The following EYS variants were observed in gnomAD, a reference collection of about 807,000 sequenced individuals.
EYS encodes protein eyes shut homolog.
Under a neutral mutation model 282.1 loss-of-function variants are expected in EYS, and 250 were observed. That is an observed-to-expected ratio of 0.89 (90% CI 0.80 to 0.98). The LOEUF (loss-of-function observed/expected upper bound fraction) is 0.98, where lower values mean the gene tolerates loss of function less well. Among genes scored for constraint, EYS ranks in the 50% least tolerant of loss-of-function variants. EYS has a pLI of 0.00. For missense variants in EYS, 4,016 were observed against 3,709.0 expected (o/e 1.08, Z -2.15); for synonymous variants, 1,355 against 1,282.9 (o/e 1.06, Z -1.20).
intron 13 of EYS, among the ~76,000 whole-genome samples, chr6:64,998,310 T>G (rs1404354420): frequency 2.0e-5 from 3 of 152,210 alleles, no homozygotes; most frequent in African/African-American, 7.2e-5. Context: ...AGTGACAGTA[T>G]GAATTGCAGT....
rs918962997 is a variant in EYS at position 63,881,973 on chromosome 6, T to C, written c.7056-17615A>G. 1.5e-4 allele frequency among the ~76,000 whole-genome samples: 23 copies of C among 152,302 alleles called. 1 individual carries two copies. The highest frequency in any genetic ancestry group is 3.4e-3 in the Middle Eastern group (1 of 294). On this transcript the variant is annotated intron_variant, in intron 35 of 42. Transcript: ENST00000503581. ...TAGGATTTTTAAAGACAGGACATGA[T>C]TTATCTTAATACTGTGTCAGCATTT... is the stretch of plus-strand genomic sequence containing the variant.
chr6:64,885,206 C>T (rs568817229), intron 19 of EYS, among the ~76,000 whole-genome samples: 22 of 151,620 alleles, frequency 1.5e-4, no homozygotes, highest in Non-Finnish European at 2.8e-4. Flanking sequence ...TTTTCTTTTA[C>T]TTGTAGCTGT....
intron 11 of EYS, chr6:65,332,323 CTT>C: frequency 4.1e-6 from 3 of 735,686 alleles, no homozygotes; most frequent in Non-Finnish European, 7.4e-6. Flanking sequence ...CTAAATCAAA[CTT>C]ATATTCTTAC....
intron 19 of EYS, among the ~76,000 whole-genome samples, chr6:64,860,941 A>T (rs1583232511): frequency 6.6e-6 from 1 of 152,292 alleles, no homozygotes; most frequent in East Asian, 1.9e-4. Flanking sequence ...CTCAGAGGAA[A>T]GGAAGTGTGT....
intron 8 of EYS, among the ~76,000 whole-genome samples, chr6:65,371,347 G>C (rs539967178): frequency 6.6e-6 from 1 of 151,526 alleles, no homozygotes; most frequent in Non-Finnish European, 1.5e-5. Flanking sequence ...GTATCCAAGT[G>C]GGTGGAGGTC....
At chr6:64,098,603 CTT>C (rs544031589) in intron 31 of EYS, among the ~76,000 whole-genome samples, 17 of 139,916 alleles carry the variant, frequency 1.2e-4, no homozygotes, top group Admixed American at 2.1e-4. Flanking sequence ...TTCTTTCTTT[CTT>C]TTTTTTTTTT....
At chr6:64,760,229 T>C (rs1773114226) in intron 22 of EYS, among the ~76,000 whole-genome samples, 1 of 152,142 alleles carries the variant, frequency 6.6e-6, no homozygotes, top group African/African-American at 2.4e-5. Context: ...CTTTACAGCT[T>C]CTGCATGCCA....
intron 26 of EYS, among the ~76,000 whole-genome samples, chr6:64,476,583 A>AT (rs982985786): frequency 6.6e-5 from 10 of 152,034 alleles, no homozygotes; most frequent in Non-Finnish European, 1.5e-5. Context: ...AAAGGTGATC[A>AT]TTTTGAATTT....
chr6:63,834,231 G>C (rs1771734202), intron 36 of EYS, among the ~76,000 whole-genome samples: 1 of 152,104 alleles, frequency 6.6e-6, no homozygotes, highest in Admixed American at 6.6e-5. Context: ...AAACTAAAGA[G>C]CTTCTGCACA....
At chr6:63,989,258 T>A (rs943328726) in intron 34 of EYS, among the ~76,000 whole-genome samples, 3 of 151,732 alleles carry the variant, frequency 2.0e-5, no homozygotes, top group African/African-American at 7.2e-5. Context: ...TTATCTGAAT[T>A]GTATGGAAAC....
At chr6:65,202,634 G>A (rs1463618939) in intron 12 of EYS, among the ~76,000 whole-genome samples, 3 of 152,162 alleles carry the variant, frequency 2.0e-5, no homozygotes. Context: ...TGGTGATGAG[G>A]AAGCTGGGTA....
chr6:64,708,006 T>C (rs1254702506), intron 22 of EYS, among the ~76,000 whole-genome samples: 1 of 151,620 alleles, frequency 6.6e-6, no homozygotes, highest in Admixed American at 6.6e-5. Context: ...AAAATAGAAA[T>C]ATACAGCACA....
chr6:65,424,744 T>C (rs1582273817), intron 5 of EYS, among the ~76,000 whole-genome samples: 1 of 152,028 alleles, frequency 6.6e-6, no homozygotes, highest in East Asian at 1.9e-4. Context: ...CTGAGGCATG[T>C]ACCGGTTAAT....
intron 11 of EYS, among the ~76,000 whole-genome samples, chr6:65,309,217 C>A (rs919857629): frequency 1.3e-5 from 2 of 152,088 alleles, no homozygotes; most frequent in Non-Finnish European, 2.9e-5. Context: ...GACAGTTTTG[C>A]GTGTAGGGAA....
At position 65,671,598 on chromosome 6, in the gene EYS, C is replaced by CA. The variant is rs149065293; in HGVS notation, c.-447-31707_-447-31706insT. On this transcript the variant is annotated intron_variant, in intron 1 of 42. Transcript: ENST00000503581. Reference sequence around the variant, plus strand: ...AGTAAGGAAGATGGTTGAATAAGTACCAAACCCTCCTCTGAAAGGGACACC... The same window carrying CA: ...AGTAAGGAAGATGGTTGAATAAGTACACAAACCCTCCTCTGAAAGGGACACC... 8.1e-3 allele frequency among the ~76,000 whole-genome samples: 1,229 copies of CA among 152,048 alleles called. 14 individuals carry two copies. The highest frequency in any genetic ancestry group is 0.028 in the African/African-American group (1,157 of 41,478).
intron 1 of EYS, among the ~76,000 whole-genome samples, chr6:65,673,513 T>G (rs1768472524): frequency 6.6e-6 from 1 of 152,082 alleles, no homozygotes; most frequent in Non-Finnish European, 1.5e-5. Flanking sequence ...GACATACACT[T>G]AGAGAGTGGC....
chr6:64,154,683 TC>T (rs1230180643), intron 31 of EYS, among the ~76,000 whole-genome samples: 1 of 152,072 alleles, frequency 6.6e-6, no homozygotes, highest in Non-Finnish European at 1.5e-5. Context: ...CCTCATTTAC[TC>T]CATTACTTAA....
At chr6:64,014,915 C>A (rs77588642) in intron 33 of EYS, among the ~76,000 whole-genome samples, 3,265 of 152,060 alleles carry the variant, frequency 0.021, 99 homozygotes, top group African/African-American at 0.064. Context: ...TAAAACCTTA[C>A]CCTAGGCAAA....
chr6:65,407,803 C>G (rs1766818885), intron 5 of EYS, among the ~76,000 whole-genome samples: 1 of 149,880 alleles, frequency 6.7e-6, no homozygotes, highest in South Asian at 2.1e-4. Flanking sequence ...AACAAATAGC[C>G]TGGAACTTCC....
Sources: allele counts gnomAD v4.1 joint callset (sites outside exome capture counted in the v4.1 genomes callset), GRCh38; gene constraint gnomAD v4.1.1; transcripts MANE v1.5; gene names NCBI Gene and HGNC (gene_info 2026-07-23, HGNC 2026-07-21).